Variants in IGSF21 observed in about 807,000 individuals in gnomAD.
IGSF21 encodes immunoglobulin superfamily member 21.
A neutral mutation model predicts 46.8 loss-of-function variants in IGSF21; 28 were observed. The ratio of observed to expected loss-of-function variants is 0.60; its 90% CI spans 0.44 to 0.82. The LOEUF (loss-of-function observed/expected upper bound fraction) is 0.82, where lower values mean the gene tolerates loss of function less well. IGSF21 is among the 40% of genes least tolerant of loss of function. The pLI, the probability that IGSF21 is intolerant of heterozygous loss-of-function variation, is 0.00. For missense variants in IGSF21, 624 were observed against 665.5 expected, an observed-to-expected ratio of 0.94 and a Z score of 0.69; for synonymous variants, 284 against 273.6, an observed-to-expected ratio of 1.04 and a Z score of -0.38.
chr1:18,279,840 G>T (rs1048905254), intron 2 of IGSF21, among the ~76,000 whole-genome samples: 5 of 152,260 alleles, frequency 3.3e-5, no homozygotes, highest in Non-Finnish European at 5.9e-5. Flanking sequence ...TTTAGCAGGT[G>T]GGCAGGCTGG....
chr1:18,301,751 C>G (rs1306097145), intron 3 of IGSF21, among the ~76,000 whole-genome samples: 2 of 152,186 alleles, frequency 1.3e-5, no homozygotes, highest in Non-Finnish European at 2.9e-5. Flanking sequence ...CACAGAGGAT[C>G]TACCCAGGAT....
rs184073777 is a variant in IGSF21, at chr1:18,117,019, G to A, written c.70+8821G>A. 3.3e-5 allele frequency among the ~76,000 whole-genome samples: 5 copies of A among 152,306 alleles called. No individual in the cohort carries two copies. In the East Asian group the frequency reaches 5.8e-4, roughly 18 times the overall value. ...GCAGAGACCTGCCTGCTAGGAAAGCGGTCTGGATTTGAGCCCATGGGCTGA... is the reference window on the plus strand; with the variant it reads ...GCAGAGACCTGCCTGCTAGGAAAGCAGTCTGGATTTGAGCCCATGGGCTGA... On this transcript the variant is annotated intron_variant, in intron 1 of 9. Transcript: ENST00000251296.
chr1:18,208,090 G>A (rs2084350316), intron 1 of IGSF21, among the ~76,000 whole-genome samples: 1 of 152,092 alleles, frequency 6.6e-6, no homozygotes, highest in Admixed American at 6.6e-5. Flanking sequence ...GCCAACAGGG[G>A]AGTTTTCCTA....
intron 1 of IGSF21, among the ~76,000 whole-genome samples, chr1:18,225,077 T>TCACA (rs1343372372): frequency 8.8e-4 from 34 of 38,806 alleles, no homozygotes; most frequent in African/African-American, 1.6e-3. Context: ...TCTCTCTCTC[T>TCACA]CTCTCTCTCA....
intron 4 of IGSF21, among the ~76,000 whole-genome samples, chr1:18,346,331 TC>T (rs2085892642): frequency 6.6e-6 from 1 of 152,036 alleles, no homozygotes; most frequent in Admixed American, 6.6e-5. Context: ...AGTTTCCTCT[TC>T]TGGAAACTGA....
At chr1:18,328,731 G>C (rs1309147061) in intron 3 of IGSF21, among the ~76,000 whole-genome samples, 1 of 152,166 alleles carries the variant, frequency 6.6e-6, no homozygotes, top group Non-Finnish European at 1.5e-5. Flanking sequence ...GGATCACTTG[G>C]TTCTTCAACA....
chr1:18,201,448 G>A (rs2124483184), intron 1 of IGSF21, among the ~76,000 whole-genome samples: 1 of 152,300 alleles, frequency 6.6e-6, no homozygotes, highest in African/African-American at 2.4e-5. Context: ...TCACCACGGA[G>A]GGACACAACG....
intron 1 of IGSF21, among the ~76,000 whole-genome samples, chr1:18,226,301 C>T (rs1183413301): frequency 6.6e-6 from 1 of 152,204 alleles, no homozygotes; most frequent in Non-Finnish European, 1.5e-5. Context: ...CTGTCTCACC[C>T]TCACTGCTTG....
chr1:18,354,236 G>A (rs1031038866), intron 4 of IGSF21, among the ~76,000 whole-genome samples: 18 of 152,200 alleles, frequency 1.2e-4, no homozygotes, highest in Admixed American at 7.2e-4. Flanking sequence ...GGCCCAGTGT[G>A]TGCAGGGCAC....
intron 2 of IGSF21, chr1:18,278,897 T>C (rs1168187565): frequency 2.1e-6 from 1 of 471,766 alleles, no homozygotes; most frequent in African/African-American, 2.0e-5. Context: ...AATGGGTATA[T>C]GGGTGTTTGC....
At chr1:18,218,663 G>C (rs1407754334) in intron 1 of IGSF21, among the ~76,000 whole-genome samples, 5 of 152,186 alleles carry the variant, frequency 3.3e-5, no homozygotes, top group Non-Finnish European at 7.3e-5. Context: ...CTTAAAAAGT[G>C]CAGAATACAA....
At chr1:18,111,084 C>T (rs2086139434) in intron 1 of IGSF21, 1 of 152,298 alleles carries the variant, frequency 6.6e-6, no homozygotes. Flanking sequence ...AACGCCGAGA[C>T]TGCGGGGGCT....
At chr1:18,266,978 A>G (rs2084995664) in intron 2 of IGSF21, among the ~76,000 whole-genome samples, 1 of 152,152 alleles carries the variant, frequency 6.6e-6, no homozygotes, top group South Asian at 2.1e-4. Flanking sequence ...AACTTCCAGG[A>G]CTAATAAGGG....
intron 3 of IGSF21, among the ~76,000 whole-genome samples, chr1:18,323,730 T>C (rs60756116): frequency 0.024 from 3,718 of 152,188 alleles, 94 homozygotes; most frequent in African/African-American, 0.063. Context: ...CTACTTTCTT[T>C]GGTACCCCTC....
intron 1 of IGSF21, among the ~76,000 whole-genome samples, chr1:18,182,659 A>C (rs896732380): frequency 3.3e-5 from 5 of 152,180 alleles, no homozygotes; most frequent in African/African-American, 4.8e-5. Flanking sequence ...TGAATGAATG[A>C]ATGCATGCAT....
chr1:18,205,159 G>A (rs1446521370), intron 1 of IGSF21, among the ~76,000 whole-genome samples: 1 of 151,612 alleles, frequency 6.6e-6, no homozygotes, highest in African/African-American at 2.4e-5. Flanking sequence ...GAGAGAGAGA[G>A]AAAGAGAGAG....
intron 4 of IGSF21, among the ~76,000 whole-genome samples, chr1:18,338,767 G>A (rs1285569988): frequency 2.6e-5 from 4 of 152,160 alleles, no homozygotes; most frequent in African/African-American, 4.8e-5. Context: ...TGCTGCACAC[G>A]GTCATTAAAA....
At chr1:18,177,476 C>A (rs1160549760) in intron 1 of IGSF21, among the ~76,000 whole-genome samples, 1 of 86,072 alleles carries the variant, frequency 1.2e-5, no homozygotes, top group Admixed American at 1.1e-4. Flanking sequence ...TATCTATATT[C>A]ATGTGCACAT....
intron 1 of IGSF21, among the ~76,000 whole-genome samples, chr1:18,187,730 C>T (rs1189473593): frequency 6.6e-6 from 1 of 152,100 alleles, no homozygotes; most frequent in Non-Finnish European, 1.5e-5. Context: ...AGAAATCCTA[C>T]CTCCAAATAC....
Sources: gnomAD v4.1 joint callset for allele counts (sites outside exome capture counted in the v4.1 genomes callset) on GRCh38, gnomAD v4.1.1 for gene constraint, MANE v1.5 for transcripts, NCBI Gene and HGNC (gene_info 2026-07-23, HGNC 2026-07-21) for gene names.